SGCG: variants seen among roughly 807,000 people sequenced by gnomAD.
The protein encoded by SGCG is sarcoglycan gamma, also known as gamma-sarcoglycan.
A neutral mutation model predicts 29.3 loss-of-function variants in SGCG; 26 were observed. The observed-to-expected ratio is 0.89, with a 90% CI of 0.65 to 1.23. SGCG has a LOEUF of 1.23. Among genes scored for constraint, SGCG ranks in the 50% most tolerant of loss-of-function variants. The pLI is 0.00. For missense variants in SGCG, 353 were observed against 356.0 expected (o/e 0.99, Z 0.07); for synonymous variants, 145 against 129.7 (o/e 1.12, Z -0.80).
At chr13:23,208,428 C>T (rs181698494) in intron 2 of SGCG, among the ~76,000 whole-genome samples, 7 of 152,054 alleles carry the variant, frequency 4.6e-5, no homozygotes, top group African/African-American at 1.2e-4. Context: ...ACGAGAAAGC[C>T]AGTAAAACAT....
Position 23,295,462 on chromosome 13 carries a change from A to G in SGCG, c.553A>G (p.Arg185Gly). The change falls in exon 6 of 8, where the codon AGA becomes GGA. Residue 185 changes from arginine (R) to glycine (G), a missense_variant. By Grantham distance (125) the Arg-to-Gly change is moderately radical (BLOSUM62 -2). Coordinates refer to ENST00000218867, the MANE Select transcript of SGCG (RefSeq NM_000231.3). ...FEHSVETPLV[R>G]ADPFQDLRLE... is the part of the protein sequence containing the mutation. ...ACATTCAGTGGAGACACCCCTTGTC[A>G]GAGCCGACCCGTTTCAAGACCTTAG... is the stretch of plus-strand genomic sequence containing the variant. 6.2e-7 allele frequency: 1 copy of G among 1,614,024 alleles called. No homozygotes were observed. The highest frequency in any genetic ancestry group is 8.5e-7 in the Non-Finnish European group (1 of 1,179,896).
At chr13:23,318,247 C>T (rs34270020) in intron 6 of SGCG, among the ~76,000 whole-genome samples, 49,177 of 143,738 alleles carry the variant, frequency 0.34, 9,920 homozygotes, top group Non-Finnish European at 0.44. Flanking sequence ...TAGTTATGTC[C>T]CTCTAGGGAA....
intron 1 of SGCG, among the ~76,000 whole-genome samples, chr13:23,186,265 C>G (rs908414631): frequency 2.0e-5 from 3 of 152,178 alleles, no homozygotes; most frequent in African/African-American, 7.2e-5. Flanking sequence ...CATTTGCTCT[C>G]AAAATGGCCA....
upstream of SGCG, among the ~76,000 whole-genome samples, chr13:23,177,733 G>T (rs1296749383): frequency 1.3e-5 from 1 of 75,398 alleles, no homozygotes; most frequent in Non-Finnish European, 2.9e-5. Flanking sequence ...CACCATGTCC[G>T]GCTATTTTTT....
rs181191112 is a variant in SGCG, at chr13:23,316,070, C to T, written c.579-4567C>T. On this transcript the variant is annotated intron_variant, in intron 6 of 7. Coordinates refer to ENST00000218867, the MANE Select transcript of SGCG (RefSeq NM_000231.3). ...GCATTGGCTCAGCAACATGGACTTC[C>T]GCTCACCAAGGCTATTCTGGCTACA... is the stretch of plus-strand genomic sequence containing the variant. Among the ~76,000 whole-genome samples the T allele has an allele frequency of 2.3e-3, 347 of 152,274 alleles. 5 individuals are homozygous for T. The highest frequency in any genetic ancestry group is 4.9e-4 in the Non-Finnish European group (33 of 68,016).
chr13:23,223,497 A>G (rs958648361), intron 2 of SGCG, among the ~76,000 whole-genome samples: 41 of 152,146 alleles, frequency 2.7e-4, no homozygotes, highest in African/African-American at 9.9e-4. Flanking sequence ...AATTTTAAAG[A>G]TTAGTTCAAC....
chr13:23,220,000 C>CA (rs1878595548), intron 2 of SGCG, among the ~76,000 whole-genome samples: 3 of 59,206 alleles, frequency 5.1e-5, no homozygotes, highest in Admixed American at 1.7e-4. Flanking sequence ...CACGCCCGGT[C>CA]AATTTTTTTT....
Position 23,310,078 on chromosome 13 carries a change from CTTTTTTTTTTTTT to C in SGCG, c.579-10544_579-10532del, listed in dbSNP as rs144258130. ...CTTAGTATTTTTGCCTTGTTTTTCTCTTTTTTTTTTTTTTTTTTTTTTTTTTTAGACGGAGTCT... is the reference window on the plus strand; with the variant it reads ...CTTAGTATTTTTGCCTTGTTTTTCTCTTTTTTTTTTTTTTAGACGGAGTCT... On this transcript the variant is annotated intron_variant, in intron 6 of 7. Transcript: ENST00000218867. Among the ~76,000 whole-genome samples, 4 of 60,764 alleles carry C rather than the reference CTTTTTTTTTTTTT, an allele frequency of 6.6e-5. No homozygotes were observed. The Admixed American group carries it at 1.1e-3, about 16-fold the overall frequency. 39.9% of individuals were successfully genotyped at this position (60,764 alleles called of 152,430 possible).
At chr13:23,168,884 T>C in the SGCG span, among the ~76,000 whole-genome samples, 19 of 152,050 alleles carry the variant, frequency 1.2e-4, no homozygotes, top group African/African-American at 4.6e-4. Context: ...GCTCTGAAAT[T>C]GTGAGGCATA....
rs1883177864 is a variant in SGCG, at chr13:23,324,831, T to C, written c.*290T>C. 1.2e-5 allele frequency: 5 copies of C among 418,144 alleles called. No individual in the cohort carries two copies. The highest frequency in any genetic ancestry group is 8.2e-5 in the South Asian group (4 of 48,988). The allele number at this position is 418,144 out of a possible 1,614,324, so 25.9% of individuals were successfully genotyped here. The stretch of plus-strand genomic sequence containing the variant: ...GAATTCTCTCTGCCTCGCCTCCCCC[T>C]ATCTTGTCCGTGTGGGCACACACTG... On this transcript the variant is annotated 3_prime_UTR_variant, in exon 8 of 8. Coordinates refer to ENST00000218867, the MANE Select transcript of SGCG (RefSeq NM_000231.3).
At chr13:23,322,768 ACCTCCCCCCCCC>A (rs1883092462) in intron 7 of SGCG, among the ~76,000 whole-genome samples, 3 of 33,462 alleles carry the variant, frequency 9.0e-5, no homozygotes, top group East Asian at 3.3e-3. Flanking sequence ...CCACCCATCC[ACCTCCCCCCCCC>A]CCCCCCCCCG....
chr13:23,260,069 A>G (rs1880364891), intron 4 of SGCG, among the ~76,000 whole-genome samples: 2 of 152,036 alleles, frequency 1.3e-5, no homozygotes, highest in Non-Finnish European at 2.9e-5. Context: ...TCAGGTTGCT[A>G]CAGAGCTGAG....
chr13:23,180,860 T>C (rs1277016086), upstream of SGCG: 1 of 152,192 alleles, frequency 6.6e-6, no homozygotes, highest in African/African-American at 2.4e-5. Flanking sequence ...ACTGTTTATG[T>C]CACTGAGTAA....
At chr13:23,210,255 C>A (rs1042600094) in intron 2 of SGCG, among the ~76,000 whole-genome samples, 3 of 151,900 alleles carry the variant, frequency 2.0e-5, no homozygotes, top group African/African-American at 7.3e-5. Context: ...CAAAAATGTT[C>A]TTTGATGCAT....
At chr13:23,204,603 TC>T (rs759392915) in intron 2 of SGCG, among the ~76,000 whole-genome samples, 36,824 of 150,550 alleles carry the variant, frequency 0.24, 4,856 homozygotes, top group Middle Eastern at 0.33. Context: ...TTCTTTTCTT[TC>T]TTTTCTTTCT....
intron 4 of SGCG, among the ~76,000 whole-genome samples, chr13:23,251,664 T>C (rs1290225671): frequency 2.0e-5 from 3 of 152,024 alleles, no homozygotes. Context: ...TCGCAGCTAC[T>C]GGGGAGTCTG....
At chr13:23,181,408 T>C (rs753526432) in intron 1 of SGCG, among the ~76,000 whole-genome samples, 5 of 152,222 alleles carry the variant, frequency 3.3e-5, no homozygotes, top group Non-Finnish European at 5.9e-5. Flanking sequence ...CAAAGTATTA[T>C]CTTTAAGATC....
intron 1 of SGCG, among the ~76,000 whole-genome samples, chr13:23,192,030 C>A (rs1054291141): frequency 6.6e-6 from 1 of 151,756 alleles, no homozygotes; most frequent in African/African-American, 2.4e-5. Context: ...AAAAAATAAG[C>A]CGGGCGTGGT....
At position 23,247,954 on chromosome 13, in the gene SGCG, TAAA is replaced by T. The variant is rs200707498; in HGVS notation, c.298-2658_298-2656del. Among the ~76,000 whole-genome samples, 346 of 110,720 alleles carry T rather than the reference TAAA, an allele frequency of 3.1e-3. 1 individual carries two copies. The highest frequency in any genetic ancestry group is 4.7e-3 in the Non-Finnish European group (260 of 55,336). 72.6% of individuals were successfully genotyped at this position (110,720 alleles called of 152,430 possible). A position where few individuals can be genotyped will look rare whatever the true frequency, so the allele number is the denominator to read the frequency against. ...GCAACAGAGTGAAACTCCCATCTCT[TAAA>T]AAAAAAAAAAAAAAAAAGTTTTTTA... On this transcript the variant is annotated intron_variant, in intron 3 of 7. Transcript: ENST00000218867.
Sources: allele counts gnomAD v4.1 joint callset (sites outside exome capture counted in the v4.1 genomes callset), GRCh38; gene constraint gnomAD v4.1.1; transcripts MANE v1.5; gene names NCBI Gene and HGNC (gene_info 2026-07-23, HGNC 2026-07-21).